The following KCNAB1 variants were observed in gnomAD, a reference collection of about 807,000 sequenced individuals.
The protein encoded by KCNAB1 is voltage-gated potassium channel subunit beta-1.
Under a neutral mutation model 64.6 loss-of-function variants are expected in KCNAB1, and 35 were observed. The ratio of observed to expected loss-of-function variants is 0.54; its 90% CI spans 0.41 to 0.72. The LOEUF (loss-of-function observed/expected upper bound fraction) is 0.72. Ranked by LOEUF, KCNAB1 falls within the 30% of genes least tolerant of loss-of-function variation. KCNAB1 has a pLI of 0.00. For missense variants in KCNAB1, 401 were observed against 512.9 expected (o/e 0.78, Z 2.11); for synonymous variants, 177 against 183.8 (o/e 0.96, Z 0.30).
chr3:156,515,755 A>G (rs968705379), intron 10 of KCNAB1, among the ~76,000 whole-genome samples: 1 of 152,236 alleles, frequency 6.6e-6, no homozygotes, highest in Non-Finnish European at 1.5e-5. Flanking sequence ...ACATTAGGAA[A>G]AGATGAACAA....
intron 1 of KCNAB1, among the ~76,000 whole-genome samples, chr3:156,150,081 A>G (rs992653170): frequency 1.3e-5 from 2 of 152,144 alleles, no homozygotes; most frequent in Non-Finnish European, 2.9e-5. Flanking sequence ...TGAGCTCTCT[A>G]GCTGTTTTTC....
intron 8 of KCNAB1, among the ~76,000 whole-genome samples, chr3:156,475,677 T>G (rs73023956): frequency 3.5e-4 from 53 of 152,334 alleles, no homozygotes; most frequent in African/African-American, 1.2e-3. Context: ...TGAGATTACA[T>G]TGAAGGTAAC....
chr3:156,475,020 G>A (rs1314586453), intron 8 of KCNAB1, among the ~76,000 whole-genome samples, 200 bp downstream of exon 8: 1 of 152,158 alleles, frequency 6.6e-6, no homozygotes. Context: ...TTCTTTTAAA[G>A]CAGTTGAAGG....
At chr3:156,504,742 G>GTTT (rs796618812) in intron 8 of KCNAB1, among the ~76,000 whole-genome samples, 59 of 81,278 alleles carry the variant, frequency 7.3e-4, no homozygotes, top group South Asian at 4.8e-3. Context: ...TTTTGTTTTT[G>GTTT]TTTTTTTTGT....
intron 8 of KCNAB1, among the ~76,000 whole-genome samples, chr3:156,482,293 C>T (rs1228565337): frequency 2.0e-5 from 3 of 151,744 alleles, no homozygotes; most frequent in Non-Finnish European, 2.9e-5. Flanking sequence ...AGGATTAACT[C>T]ATTCATTCAG....
intron 1 of KCNAB1, among the ~76,000 whole-genome samples, chr3:156,195,727 T>G (rs1488240140): frequency 6.6e-6 from 1 of 152,212 alleles, no homozygotes; most frequent in Non-Finnish European, 1.5e-5. Flanking sequence ...TTTTCTTCCA[T>G]TCTGTAGATT....
chr3:156,247,085 T>C (rs1717501333), intron 1 of KCNAB1, among the ~76,000 whole-genome samples: 1 of 152,186 alleles, frequency 6.6e-6, no homozygotes, highest in Non-Finnish European at 1.5e-5. Flanking sequence ...AAACTAGTGA[T>C]GTTGGCCAGG....
chr3:156,537,149 G>C lies in KCNAB1; in HGVS notation c.*402G>C, dbSNP rs1007531825. The C allele has an allele frequency of 1.5e-5, 6 of 397,754 alleles. No individual in the cohort carries two copies. In the Admixed American group the frequency reaches 2.6e-4, roughly 18 times the overall value. The allele number at this position is 397,754 out of a possible 1,614,324, so 24.6% of individuals were successfully genotyped here. The stretch of plus-strand genomic sequence containing the variant: ...AGTTGCGTAAGAAACAGAGTAGATA[G>C]ACTAAATTCAGTGAAGGAAAGGAAT... On this transcript the variant is annotated 3_prime_UTR_variant, in exon 14 of 14. Transcript: ENST00000490337.
At chr3:156,427,916 T>G (rs973466957) in intron 2 of KCNAB1, among the ~76,000 whole-genome samples, 3 of 152,150 alleles carry the variant, frequency 2.0e-5, no homozygotes, top group African/African-American at 7.2e-5. Flanking sequence ...CCGGTCTGAT[T>G]CATTCCATGG....
chr3:156,146,179 A>G (rs1016287455), intron 1 of KCNAB1, among the ~76,000 whole-genome samples: 4 of 152,238 alleles, frequency 2.6e-5, no homozygotes, highest in African/African-American at 9.6e-5. Flanking sequence ...ATGCAAACAC[A>G]TGCATCAATT....
Position 156,266,922 on chromosome 3 carries a change from C to T in KCNAB1, c.275+146036C>T, listed in dbSNP as rs1301230015. Among the ~76,000 whole-genome samples the T allele has an allele frequency of 2.0e-5, 3 of 152,236 alleles. No homozygotes were observed. The East Asian group carries it at 5.8e-4, about 29-fold the overall frequency. ...AACAGAAAAAAGTCATTGGTCTTCCCTTCAGAATATGTAGACCTACAGGCT... is the reference window on the plus strand; with the variant it reads ...AACAGAAAAAAGTCATTGGTCTTCCTTTCAGAATATGTAGACCTACAGGCT... On this transcript the variant is annotated intron_variant, in intron 1 of 13. Coordinates refer to ENST00000490337, the MANE Select transcript of KCNAB1 (RefSeq NM_172160.3).
chr3:156,465,917 C>T (rs1262721852), intron 7 of KCNAB1, among the ~76,000 whole-genome samples: 1 of 152,086 alleles, frequency 6.6e-6, no homozygotes, highest in African/African-American at 2.4e-5. Flanking sequence ...TCATTTTCAG[C>T]TATTACTAAT....
At chr3:156,176,760 G>A (rs2108336406) in intron 1 of KCNAB1, 4 of 899,830 alleles carry the variant, frequency 4.4e-6, no homozygotes, top group South Asian at 1.3e-5. Context: ...GGAACACCTC[G>A]GAGGTCCTGC....
intron 8 of KCNAB1, among the ~76,000 whole-genome samples, chr3:156,503,169 G>A (rs536064638): frequency 1.3e-5 from 2 of 152,258 alleles, no homozygotes; most frequent in African/African-American, 4.8e-5. Flanking sequence ...CCAGGTTTTA[G>A]TAGAAAACGG....
intron 1 of KCNAB1, among the ~76,000 whole-genome samples, chr3:156,306,239 T>A (rs1437066270): frequency 6.6e-6 from 1 of 152,208 alleles, no homozygotes; most frequent in Non-Finnish European, 1.5e-5. Flanking sequence ...GAGTTTTCCC[T>A]GTGTGGCATG....
In KCNAB1 at chr3:156,523,765, A is replaced by G. The variant is rs906841399; in HGVS notation, c.961-62A>G. On this transcript the variant is annotated intron_variant, in intron 11 of 13. Coordinates refer to ENST00000490337, the MANE Select transcript of KCNAB1 (RefSeq NM_172160.3). Reference sequence around the variant, plus strand: ...TGAGGTTCACATATTTTATTGAATTACCATTCTTTGACATCAGATCTTTAC... The same window carrying G: ...TGAGGTTCACATATTTTATTGAATTGCCATTCTTTGACATCAGATCTTTAC... The G allele has an allele frequency of 2.0e-6, 3 of 1,484,554 alleles. No individual in the cohort carries two copies. The African/African-American group carries it at 4.2e-5, about 21-fold the overall frequency. The allele number at this position is 1,484,554 out of a possible 1,614,324, so 92.0% of individuals were successfully genotyped here.
chr3:156,171,187 G>GCGCACACA (rs1553812697), intron 1 of KCNAB1, among the ~76,000 whole-genome samples: 22 of 142,816 alleles, frequency 1.5e-4, no homozygotes, highest in South Asian at 4.4e-4. Context: ...GAAACTTCAC[G>GCGCACACA]CACACATACA....
At chr3:156,230,686 T>C (rs1217246098) in intron 1 of KCNAB1, among the ~76,000 whole-genome samples, 1 of 152,090 alleles carries the variant, frequency 6.6e-6, no homozygotes, top group Non-Finnish European at 1.5e-5. Flanking sequence ...TGCTATGAAG[T>C]AAACACGAGG....
At chr3:156,437,188 T>C (rs1716643090) in intron 2 of KCNAB1, among the ~76,000 whole-genome samples, 1 of 152,208 alleles carries the variant, frequency 6.6e-6, no homozygotes, top group Non-Finnish European at 1.5e-5. Context: ...TCAGGGGGAT[T>C]AGTGGCTGCT....
Sources: gnomAD v4.1 joint callset for allele counts (sites outside exome capture counted in the v4.1 genomes callset) on GRCh38, gnomAD v4.1.1 for gene constraint, MANE v1.5 for transcripts, NCBI Gene and HGNC (gene_info 2026-07-23, HGNC 2026-07-21) for gene names.